The following LRRFIP2 variants were observed in gnomAD, a reference collection of about 807,000 sequenced individuals.
LRRFIP2 encodes the protein LRR binding FLII interacting protein 2.
A neutral mutation model predicts 125.9 loss-of-function variants in LRRFIP2; 109 were observed. The observed-to-expected ratio is 0.87, with a 90% CI of 0.74 to 1.01. LRRFIP2 has a LOEUF of 1.01. Among genes scored for constraint, LRRFIP2 ranks in the 50% least tolerant of loss-of-function variants. The pLI, the probability that LRRFIP2 is intolerant of heterozygous loss-of-function variation, is 0.00. For synonymous variants in LRRFIP2, 291 were observed against 293.1 expected (o/e 0.99, Z 0.07); for missense variants, 850 against 862.3 (o/e 0.99, Z 0.18).
chr3:37,118,449 A>G (rs1420336746), intron 6 of LRRFIP2, among the ~76,000 whole-genome samples: 1 of 152,196 alleles, frequency 6.6e-6, no homozygotes, highest in African/African-American at 2.4e-5. Flanking sequence ...GCAGCTACTA[A>G]TGTTCTGCAC....
chr3:37,071,914 T>C (rs17810211), intron 21 of LRRFIP2, among the ~76,000 whole-genome samples: 53,403 of 151,992 alleles, frequency 0.35, 10,550 homozygotes, highest in Non-Finnish European at 0.45. Flanking sequence ...ACATGGAATC[T>C]ACCTGCAAGG....
intron 17 of LRRFIP2, 149 bp downstream of exon 17, chr3:37,094,643 C>T: frequency 3.9e-6 from 2 of 511,432 alleles, no homozygotes; most frequent in South Asian, 6.5e-5. Context: ...AGCTCTGAAA[C>T]ACTTGAGTCA....
intron 2 of LRRFIP2, among the ~76,000 whole-genome samples, chr3:37,131,573 T>C (rs891563202): frequency 3.3e-5 from 5 of 152,246 alleles, no homozygotes; most frequent in Non-Finnish European, 7.3e-5. Flanking sequence ...TCCTCTGTCC[T>C]TGGTCACATC....
intron 1 of LRRFIP2, among the ~76,000 whole-genome samples, chr3:37,160,982 C>T (rs761896750): frequency 2.0e-4 from 31 of 151,982 alleles, no homozygotes; most frequent in Non-Finnish European, 3.4e-4. Flanking sequence ...ATTCCAATGT[C>T]CATCAGCTGA....
rs1321550807 is a variant in LRRFIP2, at chr3:37,065,807, T to C, written c.1699+3A>G. On this transcript the variant is annotated splice_donor_region_variant and intron_variant, in intron 23 of 27. Coordinates refer to ENST00000336686, the MANE Select transcript of LRRFIP2 (RefSeq NM_006309.4). ...CAAGTCAACATAGCAACCAGTATCT[T>C]ACCTAATGGCCCTTCTCCTGCTGAC... 1.2e-6 allele frequency: 2 copies of C among 1,614,160 alleles called. No homozygotes were observed. The highest frequency in any genetic ancestry group is 1.7e-6 in the Non-Finnish European group (2 of 1,179,990).
At chr3:37,092,362 G>A (rs11915301) in intron 17 of LRRFIP2, among the ~76,000 whole-genome samples, 53,357 of 151,954 alleles carry the variant, frequency 0.35, 10,536 homozygotes, top group Non-Finnish European at 0.45. Context: ...ACACATTTTT[G>A]GTATTATATT....
At chr3:37,135,231 CGGGCTGATCACTAGGT>C (rs1406962347) in intron 2 of LRRFIP2, 4 of 640,446 alleles carry the variant, frequency 6.2e-6, no homozygotes, top group South Asian at 1.8e-5. Flanking sequence ...GAGTCCAAGG[CGGGCTGATCACTAGGT>C]CAGGAGTTCA....
At chr3:37,167,224 AAGAAAAG>A (rs1160241987) in intron 1 of LRRFIP2, among the ~76,000 whole-genome samples, 1 of 151,866 alleles carries the variant, frequency 6.6e-6, no homozygotes, top group African/African-American at 2.4e-5. Context: ...GAAAGAAAGA[AAGAAAAG>A]AAGAGAAAAA....
chr3:37,159,896 T>G (rs2096288044), intron 1 of LRRFIP2, among the ~76,000 whole-genome samples: 1 of 139,556 alleles, frequency 7.2e-6, no homozygotes, highest in Non-Finnish European at 1.5e-5. Flanking sequence ...GACACAAAAA[T>G]TAGCCAGGTA....
chr3:37,100,218 G>A (rs1377120363), intron 15 of LRRFIP2, among the ~76,000 whole-genome samples: 1 of 152,076 alleles, frequency 6.6e-6, no homozygotes, highest in Non-Finnish European at 1.5e-5. Flanking sequence ...CCAGCGCTTT[G>A]AGAGACTGAG....
At chr3:37,126,961 T>C (rs2095299721) in intron 4 of LRRFIP2, among the ~76,000 whole-genome samples, 1 of 152,146 alleles carries the variant, frequency 6.6e-6, no homozygotes, top group Non-Finnish European at 1.5e-5. Flanking sequence ...TTTGAGAATC[T>C]GACAATAAAA....
At chr3:37,056,493 G>A (rs1367737451) in intron 25 of LRRFIP2, among the ~76,000 whole-genome samples, 10 of 149,894 alleles carry the variant, frequency 6.7e-5, no homozygotes, top group East Asian at 1.9e-4. Flanking sequence ...TCGCTCTGTC[G>A]CCCAGGCTAG....
intron 4 of LRRFIP2, among the ~76,000 whole-genome samples, chr3:37,126,865 A>AG (rs2095294716): frequency 7.0e-6 from 1 of 143,356 alleles, no homozygotes. Context: ...ATCTCAAAAA[A>AG]AAAAAAGAAA....
At chr3:37,088,188 C>G (rs1397144804) in intron 18 of LRRFIP2, among the ~76,000 whole-genome samples, 1 of 152,176 alleles carries the variant, frequency 6.6e-6, no homozygotes, top group African/African-American at 2.4e-5. Flanking sequence ...TGTGAGCTAT[C>G]TGAATTCAGG....
chr3:37,091,219 AAT>A (rs1424201498), intron 18 of LRRFIP2, among the ~76,000 whole-genome samples: 1 of 123,260 alleles, frequency 8.1e-6, no homozygotes, highest in African/African-American at 3.1e-5. Flanking sequence ...GTACAAGAAA[AAT>A]AAAAAAGAAA....
At chr3:37,139,495 A>G (rs1157602617) in intron 2 of LRRFIP2, among the ~76,000 whole-genome samples, 1 of 152,204 alleles carries the variant, frequency 6.6e-6, no homozygotes, top group Non-Finnish European at 1.5e-5. Context: ...TCATGACAGA[A>G]GGCATTTTAA....
intron 2 of LRRFIP2, among the ~76,000 whole-genome samples, chr3:37,145,754 A>C (rs1288913879): frequency 6.6e-6 from 1 of 152,236 alleles, no homozygotes; most frequent in Middle Eastern, 3.2e-3. Context: ...TTAATGGTGG[A>C]ATTAGAGAAG....
At position 37,060,434 on chromosome 3, in the gene LRRFIP2, G is replaced by A. The variant is rs997715603; in HGVS notation, c.1750-1524C>T. Among the ~76,000 whole-genome samples, 7 of 151,996 alleles carry A rather than the reference G, an allele frequency of 4.6e-5. No homozygotes were observed. Among genetic ancestry groups the A allele is most frequent in the African/African-American group, 9.7e-5 (4 of 41,370 alleles). On this transcript the variant is annotated intron_variant, in intron 24 of 27. Coordinates refer to ENST00000336686, the MANE Select transcript of LRRFIP2 (RefSeq NM_006309.4). The surrounding 1 kb of genome is among the most constrained non-coding windows in gnomAD (Gnocchi z 4.1). The stretch of plus-strand genomic sequence containing the variant: ...AGCGATTTTCCTGCCTCAGCCCCCC[G>A]AGTAGCTGGGATTCCAGGTGCATGC...
At chr3:37,163,129 C>T (rs1339883817) in intron 1 of LRRFIP2, among the ~76,000 whole-genome samples, 1 of 152,142 alleles carries the variant, frequency 6.6e-6, no homozygotes, top group African/African-American at 2.4e-5. Flanking sequence ...ACAAACTTTC[C>T]CAATGACTTA....
Sources: allele counts gnomAD v4.1 joint callset (sites outside exome capture counted in the v4.1 genomes callset), GRCh38; gene constraint gnomAD v4.1.1; non-coding constraint Gnocchi (gnomAD v3.1); transcripts MANE v1.5; gene names NCBI Gene and HGNC (gene_info 2026-07-23, HGNC 2026-07-21).